GPR158: variants seen among roughly 807,000 people sequenced by gnomAD.
GPR158 encodes the protein G protein-coupled receptor 158.
Under a neutral mutation model 78.2 loss-of-function variants are expected in GPR158, and 30 were observed. That is an observed-to-expected ratio of 0.38 (90% CI 0.29 to 0.52). The LOEUF (loss-of-function observed/expected upper bound fraction) is 0.52, where lower values mean the gene tolerates loss of function less well. Ranked by LOEUF, GPR158 falls within the 20% of genes least tolerant of loss-of-function variation. The pLI is 0.83. For missense variants in GPR158, 1,463 were observed against 1,523.5 expected (o/e 0.96, Z 0.66); for synonymous variants, 581 against 591.1 (o/e 0.98, Z 0.25).
At chr10:25,506,262 G>A (rs116183636) in intron 5 of GPR158, among the ~76,000 whole-genome samples, 2,559 of 152,262 alleles carry the variant, frequency 0.017, 62 homozygotes, top group African/African-American at 0.058. Context: ...AATAAGATAT[G>A]CTGTCCATAC....
At chr10:25,574,570 G>T (rs947328643) in intron 7 of GPR158, among the ~76,000 whole-genome samples, 6 of 152,232 alleles carry the variant, frequency 3.9e-5, no homozygotes, top group African/African-American at 1.4e-4. Context: ...CTGTAAAGAG[G>T]TGTAAAGAAC....
intron 2 of GPR158, among the ~76,000 whole-genome samples, chr10:25,274,714 A>G (rs965863034): frequency 2.0e-5 from 3 of 152,236 alleles, no homozygotes; most frequent in Non-Finnish European, 2.9e-5. Context: ...CCATATAACT[A>G]TTAGGTAGGC....
intron 2 of GPR158, among the ~76,000 whole-genome samples, chr10:25,253,215 G>T (rs1010782825): frequency 6.6e-6 from 1 of 152,220 alleles, no homozygotes; most frequent in Non-Finnish European, 1.5e-5. Context: ...CCACTGTCTG[G>T]CACTCCCTAG....
At chr10:25,191,764 A>G (rs1852774409) in intron 1 of GPR158, among the ~76,000 whole-genome samples, 1 of 152,174 alleles carries the variant, frequency 6.6e-6, no homozygotes, top group South Asian at 2.1e-4. Flanking sequence ...CAAATTTAAA[A>G]TGTCTGGAAG....
chr10:25,514,921 G>A (rs1289037056), intron 5 of GPR158, among the ~76,000 whole-genome samples: 1 of 152,060 alleles, frequency 6.6e-6, no homozygotes, highest in East Asian at 1.9e-4. Context: ...AGGTTACCTG[G>A]TGCTTTTGCT....
intron 2 of GPR158, among the ~76,000 whole-genome samples, chr10:25,236,252 T>A (rs1853523225): frequency 6.6e-6 from 1 of 152,194 alleles, no homozygotes; most frequent in African/African-American, 2.4e-5. Flanking sequence ...ACACCTGTAA[T>A]GCCAGCACTT....
At chr10:25,328,887 A>T (rs1375120101) in intron 2 of GPR158, among the ~76,000 whole-genome samples, 5 of 131,550 alleles carry the variant, frequency 3.8e-5, no homozygotes, top group Non-Finnish European at 6.1e-5. Context: ...AGATTGCGCC[A>T]TTGTGCTCCA....
chr10:25,176,447 G>T lies in GPR158; in HGVS notation c.902+125G>T. 1 of 821,090 alleles carries T rather than the reference G, an allele frequency of 1.2e-6. No homozygotes were observed. The highest frequency in any genetic ancestry group is 1.9e-5 in the South Asian group (1 of 53,634). The allele number at this position is 821,090 out of a possible 1,614,324, so 50.9% of individuals were successfully genotyped here. A position where few individuals can be genotyped will look rare whatever the true frequency, so the allele number is the denominator to read the frequency against. On this transcript the variant is annotated intron_variant, in intron 1 of 10. Coordinates refer to ENST00000376351, the MANE Select transcript of GPR158 (RefSeq NM_020752.3). This position sits in a 1 kb window ranked among gnomAD's most constrained non-coding sequence, Gnocchi z 6.3. The stretch of plus-strand genomic sequence containing the variant: ...GCGAACGCTTCTCACCCTCAGAGTA[G>T]AGACCCGGGCTGAGGGACACCCCAC...
intron 2 of GPR158, among the ~76,000 whole-genome samples, chr10:25,280,366 G>T (rs1340723383): frequency 1.3e-5 from 2 of 152,122 alleles, no homozygotes; most frequent in Non-Finnish European, 2.9e-5. Context: ...AAAAAGAACT[G>T]TTGGTTATAA....
intron 2 of GPR158, among the ~76,000 whole-genome samples, chr10:25,269,087 G>A (rs1238035240): frequency 1.3e-5 from 2 of 151,972 alleles, no homozygotes; most frequent in African/African-American, 2.4e-5. Context: ...CAATACTCTG[G>A]CAAAGAAGCT....
chr10:25,495,996 C>T (rs1166777623), intron 5 of GPR158, among the ~76,000 whole-genome samples: 1 of 152,036 alleles, frequency 6.6e-6, no homozygotes, highest in East Asian at 1.9e-4. Flanking sequence ...TAAATGCAGA[C>T]AGCACCCCAG....
rs1400231759 is a variant in GPR158 at position 25,338,569 on chromosome 10, T to TTATTATATATAATACATATTATATA, written c.1009-57335_1009-57311dup. Among the ~76,000 whole-genome samples the TTATTATATATAATACATATTATATA allele has an allele frequency of 2.0e-3, 293 of 146,432 alleles. 1 individual carries two copies. The highest frequency in any genetic ancestry group is 2.9e-3 in the Non-Finnish European group (196 of 66,692). On this transcript the variant is annotated intron_variant, in intron 2 of 10. Transcript: ENST00000376351. ...CGTAATATATAATACGTATTGTATA[T>TTATTATATATAATACATATTATATA]TATTATATATAATACATATTATATA...
intron 7 of GPR158, among the ~76,000 whole-genome samples, chr10:25,584,432 A>G (rs1837241968): frequency 6.6e-6 from 1 of 152,226 alleles, no homozygotes; most frequent in Admixed American, 6.5e-5. Context: ...TGCTAATGAA[A>G]TGATTTTAAT....
chr10:25,326,377 T>C (rs1044195344), intron 2 of GPR158, among the ~76,000 whole-genome samples: 3 of 151,230 alleles, frequency 2.0e-5, no homozygotes, highest in South Asian at 2.1e-4. Context: ...CCATTTTTAA[T>C]TGAGTATTTA....
intron 1 of GPR158, among the ~76,000 whole-genome samples, chr10:25,180,205 T>C (rs1469183452): frequency 6.6e-6 from 1 of 152,196 alleles, no homozygotes; most frequent in Non-Finnish European, 1.5e-5. Context: ...AGAAGTGGAA[T>C]AACTCTTTTG....
intron 1 of GPR158, among the ~76,000 whole-genome samples, chr10:25,189,327 A>T: frequency 6.6e-6 from 1 of 152,228 alleles, no homozygotes. Context: ...ATAAAGGCAC[A>T]TGCACACTTG....
chr10:25,520,922 A>G (rs981964187), intron 5 of GPR158, among the ~76,000 whole-genome samples: 1 of 152,034 alleles, frequency 6.6e-6, no homozygotes, highest in African/African-American at 2.4e-5. Flanking sequence ...TTCTTTGTTT[A>G]CCTAAGCAAG....
intron 2 of GPR158, among the ~76,000 whole-genome samples, chr10:25,252,951 C>G (rs1853831298): frequency 6.6e-6 from 1 of 152,216 alleles, no homozygotes; most frequent in Admixed American, 6.5e-5. Flanking sequence ...GACTGCTGTG[C>G]TAGCAATCAG....
At chr10:25,461,014 T>C (rs1835352558) in intron 4 of GPR158, among the ~76,000 whole-genome samples, 1 of 152,190 alleles carries the variant, frequency 6.6e-6, no homozygotes, top group Non-Finnish European at 1.5e-5. Context: ...ACTTAAGTGA[T>C]CAATGTTGAA....
Sources: gnomAD v4.1 joint callset for allele counts (sites outside exome capture counted in the v4.1 genomes callset) on GRCh38, gnomAD v4.1.1 for gene constraint, Gnocchi (gnomAD v3.1) non-coding constraint, MANE v1.5 for transcripts, NCBI Gene and HGNC (gene_info 2026-07-23, HGNC 2026-07-21) for gene names.